COG3: variants seen among roughly 807,000 people sequenced by gnomAD.
COG3 encodes the protein component of oligomeric golgi complex 3.
Under a neutral mutation model 114.1 loss-of-function variants are expected in COG3, and 32 were observed. That is an observed-to-expected ratio of 0.28 (90% CI 0.21 to 0.38). The LOEUF is 0.38. Among genes scored for constraint, COG3 ranks in the 10% least tolerant of loss-of-function variants. The probability of loss-of-function intolerance (pLI) is 1.00; values close to 1 mark genes in which losing one functional copy is unlikely to be tolerated. For missense variants in COG3, 813 were observed against 973.2 expected (o/e 0.84, Z 2.19); for synonymous variants, 352 against 365.7 (o/e 0.96, Z 0.43).
At chr13:45,527,820 G>C (rs1010374176) in intron 20 of COG3, among the ~76,000 whole-genome samples, 1 of 152,060 alleles carries the variant, frequency 6.6e-6, no homozygotes, top group African/African-American at 2.4e-5. Context: ...TGGAAGTAAG[G>C]GTCTTGAAGG....
intron 8 of COG3, among the ~76,000 whole-genome samples, chr13:45,487,231 T>C (rs1886723041): frequency 6.6e-6 from 1 of 152,200 alleles, no homozygotes; most frequent in African/African-American, 2.4e-5. Flanking sequence ...TCTCTCACTG[T>C]ATACAAAAAT....
intron 14 of COG3, 74 bp from the exon 15 acceptor site, chr13:45,509,618 A>G: frequency 1.9e-6 from 3 of 1,577,874 alleles, no homozygotes; most frequent in Non-Finnish European, 2.6e-6. Context: ...AGCAGTTTAT[A>G]GTTGCCATGT....
rs546107254 is a variant in COG3 at position 45,482,410 on chromosome 13, T to C, written c.654T>C (p.Asn218=). Residue 218 remains asparagine (N), a synonymous_variant, in exon 6 of 23, where the codon AAT becomes AAC. Coordinates refer to ENST00000349995, the MANE Select transcript of COG3 (RefSeq NM_031431.4). ...TKLNSPTLSV[N]SDGFIPMLAK... ...TGAATTCCCCTACATTGTCGGTGAATAGTGACGGATTTATACCTATGCTGG... is the reference window on the plus strand; with the variant it reads ...TGAATTCCCCTACATTGTCGGTGAACAGTGACGGATTTATACCTATGCTGG... The C allele has an allele frequency of 4.1e-5, 65 of 1,566,780 alleles. No individual in the cohort carries two copies. In the East Asian group the frequency reaches 1.4e-3, roughly 33 times the overall value.
At chr13:45,470,282 G>A (rs191689689) in intron 1 of COG3, among the ~76,000 whole-genome samples, 6 of 152,308 alleles carry the variant, frequency 3.9e-5, no homozygotes, top group Admixed American at 3.9e-4. Flanking sequence ...CCCCTGAGGA[G>A]GAAACTAGAT....
chr13:45,530,113 TTTGTC>T, intron 21 of COG3, among the ~76,000 whole-genome samples, 195 bp downstream of exon 21: 1 of 152,316 alleles, frequency 6.6e-6, no homozygotes, highest in East Asian at 1.9e-4. Context: ...CCACTGTCAC[TTTGTC>T]TTAAGTTTTT....
intron 22 of COG3, among the ~76,000 whole-genome samples, chr13:45,533,148 G>A (rs1310229426): frequency 1.3e-5 from 2 of 151,906 alleles, no homozygotes. Flanking sequence ...GGTCATCACC[G>A]AGAGGGAGGA....
rs1873466811 is a variant in COG3 at position 45,535,140 on chromosome 13, CTG to C, written c.*411_*412del. On this transcript the variant is annotated 3_prime_UTR_variant, in exon 23 of 23. Transcript: ENST00000349995. ...GTAAGGTTTGCTAAAACGTGAAACACTGTAACACTTTTAACCACTGAGCATTC... is the reference window on the plus strand; with the variant it reads ...GTAAGGTTTGCTAAAACGTGAAACACTAACACTTTTAACCACTGAGCATTC... 1.0e-6 allele frequency: 1 copy of C among 999,098 alleles called. No individual in the cohort carries two copies. Among genetic ancestry groups the C allele is most frequent in the African/African-American group, 1.7e-5 (1 of 57,938 alleles). The allele number at this position is 999,098 out of a possible 1,614,324, so 61.9% of individuals were successfully genotyped here. A position where few individuals can be genotyped will look rare whatever the true frequency, so the allele number is the denominator to read the frequency against.
intron 16 of COG3, chr13:45,512,119 C>A: frequency 6.6e-6 from 2 of 304,822 alleles, no homozygotes; most frequent in Non-Finnish European, 6.1e-6. Flanking sequence ...TTGTTGTAGT[C>A]CTAGCCACTG....
chr13:45,494,274 G>T (rs1226593830), intron 12 of COG3, among the ~76,000 whole-genome samples: 1 of 149,334 alleles, frequency 6.7e-6, no homozygotes. Context: ...GCAGTGAGCC[G>T]AGATTGCGCC....
intron 20 of COG3, among the ~76,000 whole-genome samples, chr13:45,525,787 C>T (rs1872621441): frequency 4.0e-5 from 2 of 50,592 alleles, no homozygotes; most frequent in African/African-American, 2.1e-4. Flanking sequence ...ATTCTCTAGC[C>T]AATATTGTGA....
chr13:45,501,835 G>A (rs985107147), intron 13 of COG3, among the ~76,000 whole-genome samples: 31 of 152,136 alleles, frequency 2.0e-4, no homozygotes, highest in Admixed American at 3.3e-4. Context: ...AGGTATGTTC[G>A]TTTTAAAGTT....
intron 1 of COG3, among the ~76,000 whole-genome samples, chr13:45,470,045 G>C (rs1193381675): frequency 6.6e-6 from 1 of 152,102 alleles, no homozygotes; most frequent in Non-Finnish European, 1.5e-5. Flanking sequence ...CTGTATTCTT[G>C]GGACTTTTAA....
At position 45,529,809 on chromosome 13, in the gene COG3, C is replaced by T. The variant is rs368277556; in HGVS notation, c.2249C>T (p.Ala750Val). The change falls in exon 21 of 23, where the codon GCG (alanine) becomes GTG (valine). Residue 750 changes from alanine (A) to valine (V), a missense_variant. Ala to Val is a moderately conservative substitution (Grantham distance 64). Coordinates refer to ENST00000349995, the MANE Select transcript of COG3 (RefSeq NM_031431.4). Reference protein sequence around the residue: ...WAQPAKVNDLAATAYKTIKTK... With the variant: ...WAQPAKVNDLVATAYKTIKTK... ...TTTCCAGCAAAGGTCAATGACCTTG[C>T]GGCAACTGCATATAAGACAATAAAA... The T allele has an allele frequency of 1.4e-5, 23 of 1,610,294 alleles. No homozygotes were observed. The highest frequency in any genetic ancestry group is 4.5e-5 in the East Asian group (2 of 44,796).
Position 45,535,834 on chromosome 13 carries a change from T to A in COG3, c.*1103T>A, listed in dbSNP as rs1381668703. 6.1e-6 allele frequency: 6 copies of A among 987,482 alleles called. No individual in the cohort carries two copies. The highest frequency in any genetic ancestry group is 7.2e-6 in the Non-Finnish European group (6 of 830,118). The allele number at this position is 987,482 out of a possible 1,614,324, so 61.2% of individuals were successfully genotyped here. ...TTCCAACAAATTCCTACTTCCTGATTGGATTGGTTTTGCCGCTGATGTTAA... is the reference window on the plus strand; with the variant it reads ...TTCCAACAAATTCCTACTTCCTGATAGGATTGGTTTTGCCGCTGATGTTAA... On this transcript the variant is annotated 3_prime_UTR_variant, in exon 23 of 23. Transcript: ENST00000349995.
rs1593724886 is a variant in COG3, at chr13:45,507,552, G to A, written c.1595-2140G>A. 2.0e-5 allele frequency among the ~76,000 whole-genome samples: 3 copies of A among 151,718 alleles called. No homozygotes were observed. The South Asian group carries it at 6.3e-4, about 32-fold the overall frequency. On this transcript the variant is annotated intron_variant, in intron 14 of 22. Coordinates refer to ENST00000349995, the MANE Select transcript of COG3 (RefSeq NM_031431.4). ...GGCCGAGGTGGGCAGATCACCCACG[G>A]TCAGGAGTTTGAGACCAGCCTGACT...
intron 20 of COG3, among the ~76,000 whole-genome samples, chr13:45,527,365 TAGCAA>T (rs1872786345): frequency 6.6e-6 from 1 of 152,220 alleles, no homozygotes; most frequent in Non-Finnish European, 1.5e-5. Flanking sequence ...TTAGTGAATA[TAGCAA>T]TGACAGTTCA....
intron 20 of COG3, among the ~76,000 whole-genome samples, chr13:45,528,401 G>A (rs750171276): frequency 6.6e-6 from 1 of 151,960 alleles, no homozygotes; most frequent in Non-Finnish European, 1.5e-5. Context: ...ACCCTCTCTT[G>A]GGGTCTGGAT....
At chr13:45,521,035 A>G (rs1256898963) in intron 19 of COG3, among the ~76,000 whole-genome samples, 1 of 152,238 alleles carries the variant, frequency 6.6e-6, no homozygotes, top group Non-Finnish European at 1.5e-5. Context: ...TCTAGAAATC[A>G]AGAGAATAAA....
At chr13:45,514,890 C>G (rs1445642891) in intron 16 of COG3, among the ~76,000 whole-genome samples, 1 of 151,974 alleles carries the variant, frequency 6.6e-6, no homozygotes, top group East Asian at 1.9e-4. Context: ...CCTCGTGATC[C>G]GACTGTCTCG....
Sources: gnomAD v4.1 joint callset for allele counts (sites outside exome capture counted in the v4.1 genomes callset) on GRCh38, gnomAD v4.1.1 for gene constraint, MANE v1.5 for transcripts, NCBI Gene and HGNC (gene_info 2026-07-23, HGNC 2026-07-21) for gene names.